The following CRB1 variants were observed in gnomAD, a reference collection of about 807,000 sequenced individuals.
CRB1 encodes the protein protein crumbs homolog 1.
In CRB1, 83 loss-of-function variants were observed where a neutral mutation model predicts 120.0. The ratio of observed to expected loss-of-function variants is 0.69; its 90% CI spans 0.58 to 0.83. CRB1 has a LOEUF of 0.83. Ranked by LOEUF, CRB1 falls within the 40% of genes least tolerant of loss-of-function variation. The pLI is 0.00. For missense variants in CRB1, 1,699 were observed against 1,687.6 expected (o/e 1.01, Z -0.12); for synonymous variants, 625 against 612.5 (o/e 1.02, Z -0.30).
intron 1 of CRB1, among the ~76,000 whole-genome samples, chr1:197,310,318 G>T (rs757885198): frequency 6.6e-6 from 1 of 152,132 alleles, no homozygotes; most frequent in African/African-American, 2.4e-5. Context: ...CATCTTCCAG[G>T]CCTAGGAACA....
At chr1:197,208,879 G>T in the CRB1 span, among the ~76,000 whole-genome samples, 1 of 152,148 alleles carries the variant, frequency 6.6e-6, no homozygotes, top group Non-Finnish European at 1.5e-5. Flanking sequence ...TCTGAGCTCA[G>T]ACTCTCCTTG....
chr1:197,442,466 A>G, intron 11 of CRB1, 174 bp downstream of exon 11: 1 of 1,532,510 alleles, frequency 6.5e-7, no homozygotes, highest in African/African-American at 1.4e-5. Context: ...TTGAATTTCA[A>G]GAAATGCCTT....
At chr1:197,206,258 C>T in the CRB1 span, among the ~76,000 whole-genome samples, 1 of 149,428 alleles carries the variant, frequency 6.7e-6, no homozygotes, top group African/African-American at 2.5e-5. Context: ...TCATTTAGTT[C>T]TGCTCTGATC....
rs116683270 is a variant in CRB1 at position 197,357,510 on chromosome 1, C to A, written c.1171+497C>A. Reference sequence around the variant, plus strand: ...TTTTCACAACTTGCTTACCTAAAACCCAGAGGAAATTTGCATGTATGTTAT... The same window carrying A: ...TTTTCACAACTTGCTTACCTAAAACACAGAGGAAATTTGCATGTATGTTAT... On this transcript the variant is annotated intron_variant, in intron 5 of 11. Coordinates refer to ENST00000367400, the MANE Select transcript of CRB1 (RefSeq NM_201253.3). 1,378 of 204,798 alleles carry A rather than the reference C, an allele frequency of 6.7e-3. 19 individuals carry two copies. The highest frequency in any genetic ancestry group is 0.031 in the African/African-American group (1,323 of 42,802). 12.7% of individuals were successfully genotyped at this position (204,798 alleles called of 1,614,324 possible).
At chr1:197,454,567 T>C (rs1033639416) in intron 11 of CRB1, among the ~76,000 whole-genome samples, 3 of 152,150 alleles carry the variant, frequency 2.0e-5, no homozygotes, top group Non-Finnish European at 4.4e-5. Flanking sequence ...CTGAATAGAA[T>C]GGAAACAGGC....
chr1:197,473,125 G>C (rs1231154111), intron 11 of CRB1, among the ~76,000 whole-genome samples: 1 of 152,182 alleles, frequency 6.6e-6, no homozygotes, highest in Non-Finnish European at 1.5e-5. Context: ...CCTTGAATTT[G>C]CTCTTTCATT....
chr1:197,442,808 A>C, intron 11 of CRB1: 1 of 216,926 alleles, frequency 4.6e-6, no homozygotes, highest in Non-Finnish European at 9.1e-6. Flanking sequence ...TTTCATTCTT[A>C]TCTATTATTT....
intron 1 of CRB1, chr1:197,304,491 G>C: frequency 1.8e-6 from 1 of 566,714 alleles, no homozygotes; most frequent in Non-Finnish European, 2.2e-6. Context: ...AGTTAGAGGA[G>C]TTTATTTAGA....
At position 197,477,704 on chromosome 1, in the gene CRB1, G is replaced by T; in HGVS notation, c.4046G>T (p.Gly1349Val). 1.9e-6 allele frequency: 3 copies of T among 1,613,786 alleles called. No homozygotes were observed. Among genetic ancestry groups the T allele is most frequent in the Non-Finnish European group, 2.5e-6 (3 of 1,179,836 alleles). The change falls in exon 12 of 12, where the codon GGC becomes GTC. Residue 1349 changes from glycine (G) to valine (V), a missense_variant. Coordinates refer to ENST00000367400, the MANE Select transcript of CRB1 (RefSeq NM_201253.3). ...ATCTCCGACATTTTCACCACTATTGGCTCAGTGACTGTCGCCTTGTTACTG... is the reference window on the plus strand; with the variant it reads ...ATCTCCGACATTTTCACCACTATTGTCTCAGTGACTGTCGCCTTGTTACTG... ...DLISDIFTTI[G>V]SVTVALLLIL...
chr1:197,333,925 C>T (rs1659001473), intron 2 of CRB1, among the ~76,000 whole-genome samples: 1 of 152,178 alleles, frequency 6.6e-6, no homozygotes, highest in Admixed American at 6.5e-5. Context: ...AGAGTATTTT[C>T]AAACTTATTG....
chr1:197,291,185 T>G (rs1201185189), intron 1 of CRB1, among the ~76,000 whole-genome samples: 3 of 151,822 alleles, frequency 2.0e-5, no homozygotes. Flanking sequence ...ATAATTCATT[T>G]CTTGGACAAT....
At chr1:197,362,272 C>T (rs1660809627) in intron 5 of CRB1, among the ~76,000 whole-genome samples, 1 of 152,022 alleles carries the variant, frequency 6.6e-6, no homozygotes, top group Non-Finnish European at 1.5e-5. Context: ...GCACAGGATA[C>T]AATCTATCTT....
rs147479746 is a variant in CRB1, at chr1:197,318,262, C to T, written c.71-10160C>T. On this transcript the variant is annotated intron_variant, in intron 1 of 11. Transcript: ENST00000367400. ...AAAGAAGATGTTCAACATCAGAAAT[C>T]ATCAGGGAAAGGCAAATCAAGATGA... 3.9e-3 allele frequency among the ~76,000 whole-genome samples: 595 copies of T among 152,168 alleles called. 7 individuals carry two copies. The highest frequency in any genetic ancestry group is 0.014 in the African/African-American group (574 of 41,534).
intron 5 of CRB1, among the ~76,000 whole-genome samples, chr1:197,381,078 A>T (rs1661930597): frequency 6.6e-6 from 1 of 152,170 alleles, no homozygotes; most frequent in South Asian, 2.1e-4. Flanking sequence ...ATCCTGAACA[A>T]TCATTAATTA....
chr1:197,254,573 A>G, the CRB1 span, among the ~76,000 whole-genome samples: 1 of 152,022 alleles, frequency 6.6e-6, no homozygotes, highest in Non-Finnish European at 1.5e-5. Context: ...TTGAATGAGG[A>G]GAAGCAAAAA....
At chr1:197,292,696 A>G (rs1217053672) in intron 1 of CRB1, among the ~76,000 whole-genome samples, 1 of 152,178 alleles carries the variant, frequency 6.6e-6, no homozygotes. Flanking sequence ...GCAGCACATC[A>G]AAAAGCTTAT....
rs374533970 is a variant in CRB1 at position 197,344,492 on chromosome 1, C to T, written c.848+16C>T. 8 of 1,611,328 alleles carry T rather than the reference C, an allele frequency of 5.0e-6. No homozygotes were observed. In the African/African-American group the frequency reaches 6.7e-5, roughly 13 times the overall value. On this transcript the variant is annotated intron_variant, in intron 3 of 11. Transcript: ENST00000367400. ...GAGAAAACAGGTACATTTTCTCTGGCGTTGGGTGATTGGCTTAGAACTCCC... is the reference window on the plus strand; with the variant it reads ...GAGAAAACAGGTACATTTTCTCTGGTGTTGGGTGATTGGCTTAGAACTCCC...
At chr1:197,366,497 A>ACCTTCTAT (rs1661083512) in intron 5 of CRB1, among the ~76,000 whole-genome samples, 1 of 152,168 alleles carries the variant, frequency 6.6e-6, no homozygotes, top group South Asian at 2.1e-4. Flanking sequence ...TTGTGTAATT[A>ACCTTCTAT]CCTTCTATAT....
intron 6 of CRB1, among the ~76,000 whole-genome samples, chr1:197,424,741 G>A (rs138350174): frequency 3.3e-5 from 5 of 152,100 alleles, no homozygotes; most frequent in East Asian, 1.9e-4. Context: ...TCTTATAAAC[G>A]CACATTTAGA....
Sources: allele counts gnomAD v4.1 joint callset (sites outside exome capture counted in the v4.1 genomes callset), GRCh38; gene constraint gnomAD v4.1.1; transcripts MANE v1.5; gene names NCBI Gene and HGNC (gene_info 2026-07-23, HGNC 2026-07-21).